Variants in ANO4 observed in about 807,000 individuals in gnomAD.
ANO4 encodes the protein anoctamin-4.
A neutral mutation model predicts 141.9 loss-of-function variants in ANO4; 69 were observed. That is an observed-to-expected ratio of 0.49 (90% CI 0.40 to 0.59). ANO4 has a LOEUF of 0.59. Among genes scored for constraint, ANO4 ranks in the 20% least tolerant of loss-of-function variants. The pLI is 0.00. For synonymous variants in ANO4, 350 were observed against 394.3 expected (o/e 0.89, Z 1.33); for missense variants, 894 against 1,162.2 (o/e 0.77, Z 3.36).
upstream of ANO4, among the ~76,000 whole-genome samples, chr12:100,792,068 A>G (rs77491552): frequency 0.014 from 2,031 of 149,958 alleles, 51 homozygotes; most frequent in African/African-American, 0.048. Flanking sequence ...GTGGCCGCCT[A>G]CCCTCTCGGT....
At chr12:101,089,447 T>C (rs953654020) in intron 17 of ANO4, among the ~76,000 whole-genome samples, 1 of 152,120 alleles carries the variant, frequency 6.6e-6, no homozygotes, top group African/African-American at 2.4e-5. Context: ...TGGTTAGCAC[T>C]TCCTGTACCT....
At chr12:101,004,806 A>C (rs139995633) in intron 8 of ANO4, among the ~76,000 whole-genome samples, 15 of 152,334 alleles carry the variant, frequency 9.8e-5, no homozygotes, top group African/African-American at 3.6e-4. Flanking sequence ...TTTATTGAAA[A>C]TAAGAAGAGG....
rs556995816 is a variant in ANO4 at position 100,836,612 on chromosome 12, A to AT, written c.-141+41586dup. On this transcript the variant is annotated intron_variant, in intron 1 of 27. Coordinates refer to ENST00000392977, the MANE Select transcript of ANO4 (RefSeq NM_001286615.2). The stretch of plus-strand genomic sequence containing the variant: ...AGTGTGATACGGGCTGTGATATAGA[A>AT]TATCTGGGAGTGCTTTGAGAACCTA... Among the ~76,000 whole-genome samples, 420 of 151,864 alleles carry AT rather than the reference A, an allele frequency of 2.8e-3. 2 individuals are homozygous for AT. Among genetic ancestry groups the AT allele is most frequent in the African/African-American group, 9.6e-3 (396 of 41,424 alleles).
chr12:100,909,953 G>T (rs140064351), intron 2 of ANO4, among the ~76,000 whole-genome samples: 1,910 of 152,082 alleles, frequency 0.013, 43 homozygotes, highest in African/African-American at 0.044. Context: ...AAGTATTTTT[G>T]AAATACTTGT....
intron 14 of ANO4, among the ~76,000 whole-genome samples, chr12:101,054,105 A>C (rs2136687897): frequency 6.6e-6 from 1 of 152,342 alleles, no homozygotes; most frequent in South Asian, 2.1e-4. Context: ...ATGTTTTCCT[A>C]GCTTTAGTTA....
chr12:100,850,476 G>A (rs761435920), intron 1 of ANO4, among the ~76,000 whole-genome samples: 2 of 151,796 alleles, frequency 1.3e-5, no homozygotes, highest in Non-Finnish European at 2.9e-5. Flanking sequence ...TTGCATTTCT[G>A]TCTTGAGGAT....
At chr12:101,016,102 G>A (rs551814513) in intron 8 of ANO4, among the ~76,000 whole-genome samples, 1 of 152,304 alleles carries the variant, frequency 6.6e-6, no homozygotes, top group African/African-American at 2.4e-5. Flanking sequence ...GGTATAAGGA[G>A]ATGAGATTTA....
intron 16 of ANO4, among the ~76,000 whole-genome samples, chr12:101,085,636 T>C (rs987520166): frequency 6.6e-6 from 1 of 152,138 alleles, no homozygotes; most frequent in Admixed American, 6.6e-5. Context: ...GTCATGAGGA[T>C]ACTGAGGGAC....
chr12:101,059,347 G>A (rs1295471205), intron 14 of ANO4, among the ~76,000 whole-genome samples: 1 of 152,198 alleles, frequency 6.6e-6, no homozygotes, highest in Non-Finnish European at 1.5e-5. Context: ...TCTCTGCTAG[G>A]TTTTGGTATC....
At chr12:100,952,136 A>G (rs1190610381) in intron 5 of ANO4, among the ~76,000 whole-genome samples, 3 of 152,314 alleles carry the variant, frequency 2.0e-5, no homozygotes, top group African/African-American at 7.2e-5. Context: ...CACTCTTAAC[A>G]TCAGACTCTT....
chr12:100,945,357 A>G (rs1443067742), intron 5 of ANO4, among the ~76,000 whole-genome samples: 1 of 152,222 alleles, frequency 6.6e-6, no homozygotes, highest in Non-Finnish European at 1.5e-5. Context: ...TAGTCAACAC[A>G]TAAGTGCTTG....
At chr12:100,952,770 C>T (rs868622448) in intron 5 of ANO4, among the ~76,000 whole-genome samples, 69 of 152,046 alleles carry the variant, frequency 4.5e-4, no homozygotes, top group Non-Finnish European at 1.8e-4. Flanking sequence ...TTTCTGAGAC[C>T]GGTTTAAAGA....
At chr12:100,793,507 A>G (rs1429685825), upstream of ANO4, among the ~76,000 whole-genome samples, 1 of 152,084 alleles carries the variant, frequency 6.6e-6, no homozygotes, top group Admixed American at 6.6e-5. Flanking sequence ...TGCAAATGGT[A>G]TTCCAACTTC....
intron 2 of ANO4, among the ~76,000 whole-genome samples, chr12:100,735,854 A>G (rs1428754678): frequency 1.3e-5 from 2 of 152,186 alleles, no homozygotes; most frequent in Non-Finnish European, 2.9e-5. Flanking sequence ...AATTAGAAAT[A>G]TGGAGAACAT....
chr12:100,874,002 A>G (rs1418408256), intron 1 of ANO4, among the ~76,000 whole-genome samples: 2 of 152,180 alleles, frequency 1.3e-5, no homozygotes, highest in African/African-American at 4.8e-5. Flanking sequence ...CCCTAGATAC[A>G]TCTTAGGCCA....
intron 16 of ANO4, among the ~76,000 whole-genome samples, chr12:101,086,411 G>C (rs2049502059): frequency 6.6e-6 from 1 of 152,040 alleles, no homozygotes; most frequent in Admixed American, 6.6e-5. Flanking sequence ...GCATTAAAAA[G>C]TGTTGTCCCA....
At chr12:100,964,110 G>T (rs1440810607) in intron 5 of ANO4, among the ~76,000 whole-genome samples, 1 of 152,090 alleles carries the variant, frequency 6.6e-6, no homozygotes, top group African/African-American at 2.4e-5. Flanking sequence ...ATTGTGCATT[G>T]ACTGTAATAT....
chr12:101,087,498 G>GGTGA (rs1238005167), intron 17 of ANO4, among the ~76,000 whole-genome samples: 1 of 152,006 alleles, frequency 6.6e-6, no homozygotes, highest in Non-Finnish European at 1.5e-5. Context: ...ACTCAGCCTG[G>GGTGA]GTGACAGAGG....
chr12:100,807,308 A>C (rs2035119271), intron 1 of ANO4, among the ~76,000 whole-genome samples: 1 of 152,066 alleles, frequency 6.6e-6, no homozygotes, highest in Non-Finnish European at 1.5e-5. Flanking sequence ...ATGTAGTTAG[A>C]ACTATTTTTG....
Sources: allele counts gnomAD v4.1 joint callset (sites outside exome capture counted in the v4.1 genomes callset), GRCh38; gene constraint gnomAD v4.1.1; transcripts MANE v1.5; gene names NCBI Gene and HGNC (gene_info 2026-07-23, HGNC 2026-07-21).